SPAG16: variants seen among roughly 807,000 people sequenced by gnomAD.
SPAG16 encodes sperm associated antigen 16, also known as sperm-associated antigen 16 protein.
Under a neutral mutation model 80.4 loss-of-function variants are expected in SPAG16, and 86 were observed. The observed-to-expected ratio is 1.07, with a 90% CI of 0.90 to 1.28. SPAG16 has a LOEUF of 1.28. SPAG16 is among the 50% of genes most tolerant of loss of function. The probability of loss-of-function intolerance (pLI) is 0.00; values close to 1 mark genes in which losing one functional copy is unlikely to be tolerated. For missense variants in SPAG16, 870 were observed against 765.3 expected (o/e 1.14, Z -1.61); for synonymous variants, 294 against 265.9 (o/e 1.11, Z -1.03).
At chr2:213,792,172 T>C (rs2125611040) in intron 10 of SPAG16, among the ~76,000 whole-genome samples, 1 of 152,354 alleles carries the variant, frequency 6.6e-6, no homozygotes, top group South Asian at 2.1e-4. Context: ...AAGTAAGAAC[T>C]ACTTTGCAAT....
chr2:213,450,282 C>T (rs952814121), intron 9 of SPAG16, among the ~76,000 whole-genome samples: 14 of 151,920 alleles, frequency 9.2e-5, no homozygotes, highest in East Asian at 3.8e-4. Context: ...CCAGCCTGGG[C>T]GACAGAGCCA....
intron 15 of SPAG16, among the ~76,000 whole-genome samples, chr2:214,396,010 T>C (rs1363948615): frequency 6.6e-6 from 1 of 152,210 alleles, no homozygotes; most frequent in Non-Finnish European, 1.5e-5. Context: ...TGTGTCTTTA[T>C]GGTAGAGTGA....
intron 15 of SPAG16, among the ~76,000 whole-genome samples, chr2:214,180,962 TAA>T (rs1005683706): frequency 4.0e-5 from 6 of 151,756 alleles, no homozygotes; most frequent in African/African-American, 1.2e-4. Flanking sequence ...GTCTCTCAGT[TAA>T]AGTTGCCCCC....
intron 10 of SPAG16, among the ~76,000 whole-genome samples, chr2:213,586,325 T>C (rs113568470): frequency 5.8e-4 from 89 of 152,324 alleles, no homozygotes; most frequent in Middle Eastern, 3.4e-3. Flanking sequence ...ACATTCCATG[T>C]CTAGTGAGGC....
intron 15 of SPAG16, among the ~76,000 whole-genome samples, chr2:214,194,189 T>C (rs1380298831): frequency 6.6e-6 from 1 of 152,052 alleles, no homozygotes. Flanking sequence ...TTTCTAGCAA[T>C]ACATGAAATG....
chr2:214,204,730 A>T (rs541799934), intron 15 of SPAG16, among the ~76,000 whole-genome samples: 20 of 152,180 alleles, frequency 1.3e-4, no homozygotes, highest in Non-Finnish European at 2.6e-4. Flanking sequence ...AATGAGAATG[A>T]ACCAGAAAAA....
intron 12 of SPAG16, among the ~76,000 whole-genome samples, chr2:213,947,326 C>T (rs1194791171): frequency 1.3e-5 from 2 of 152,110 alleles, no homozygotes; most frequent in African/African-American, 2.4e-5. Flanking sequence ...AATGAGAAAT[C>T]CAGTTTCTCT....
chr2:213,965,854 T>C (rs1559637710), intron 12 of SPAG16, among the ~76,000 whole-genome samples: 1 of 152,180 alleles, frequency 6.6e-6, no homozygotes, highest in Non-Finnish European at 1.5e-5. Context: ...CTTCCACTTA[T>C]CTTGGAATAA....
At chr2:213,910,473 G>C (rs568697387) in intron 11 of SPAG16, among the ~76,000 whole-genome samples, 2 of 151,650 alleles carry the variant, frequency 1.3e-5, no homozygotes, top group East Asian at 3.9e-4. Flanking sequence ...TTAAAAATTT[G>C]CTTTTGTAAG....
At chr2:213,626,742 A>G (rs2061976177) in intron 10 of SPAG16, among the ~76,000 whole-genome samples, 1 of 142,178 alleles carries the variant, frequency 7.0e-6, no homozygotes, top group African/African-American at 2.6e-5. Context: ...CCGCCTCCTG[A>G]GTTCAAGCAA....
At chr2:213,644,315 C>G (rs1427044794) in intron 10 of SPAG16, among the ~76,000 whole-genome samples, 1 of 151,938 alleles carries the variant, frequency 6.6e-6, no homozygotes, top group Non-Finnish European at 1.5e-5. Context: ...TCTGAAATGT[C>G]ACATTTCTCT....
intron 10 of SPAG16, among the ~76,000 whole-genome samples, chr2:213,856,913 T>C (rs924301665): frequency 6.6e-6 from 1 of 152,174 alleles, no homozygotes; most frequent in African/African-American, 2.4e-5. Flanking sequence ...ATAGCTAAGA[T>C]AATGAATGAA....
chr2:214,184,666 T>C (rs1377242688), intron 15 of SPAG16, among the ~76,000 whole-genome samples: 1 of 152,062 alleles, frequency 6.6e-6, no homozygotes, highest in Non-Finnish European at 1.5e-5. Context: ...GCCTGATAGC[T>C]CGCAGACATC....
intron 15 of SPAG16, among the ~76,000 whole-genome samples, chr2:214,365,497 T>A (rs1197176124): frequency 6.6e-6 from 1 of 152,136 alleles, no homozygotes; most frequent in African/African-American, 2.4e-5. Flanking sequence ...ACATCAGAAA[T>A]GTAACCCTAT....
chr2:213,931,831 C>A (rs1178538065), intron 12 of SPAG16, among the ~76,000 whole-genome samples: 2 of 152,030 alleles, frequency 1.3e-5, no homozygotes, highest in Non-Finnish European at 2.9e-5. Flanking sequence ...TCACTTTCAT[C>A]ATCAAGGACA....
chr2:213,889,720 T>TATATATATACATATATATACGC (rs1559555878), intron 11 of SPAG16, among the ~76,000 whole-genome samples: 2 of 86,102 alleles, frequency 2.3e-5, no homozygotes, highest in African/African-American at 6.4e-5. Context: ...TACATATGCA[T>TATATATATACATATATATACGC]ATATATATAC....
At chr2:214,076,879 A>G (rs553975199) in intron 13 of SPAG16, among the ~76,000 whole-genome samples, 41 of 152,210 alleles carry the variant, frequency 2.7e-4, no homozygotes, top group Non-Finnish European at 5.3e-4. Flanking sequence ...ATCAACTTGT[A>G]CCCTGATCAA....
intron 10 of SPAG16, among the ~76,000 whole-genome samples, chr2:213,770,337 C>A (rs964168994): frequency 6.6e-6 from 1 of 151,788 alleles, no homozygotes; most frequent in Non-Finnish European, 1.5e-5. Flanking sequence ...GCATGTTTAA[C>A]GTTTTAAGAA....
chr2:213,496,063 A>G (rs937874331), intron 10 of SPAG16, among the ~76,000 whole-genome samples: 9 of 152,192 alleles, frequency 5.9e-5, no homozygotes, highest in Non-Finnish European at 7.3e-5. Context: ...ACATACATAA[A>G]AACAAGGTGT....
Sources: allele counts gnomAD v4.1 joint callset (sites outside exome capture counted in the v4.1 genomes callset), GRCh38; gene constraint gnomAD v4.1.1; transcripts MANE v1.5; gene names NCBI Gene and HGNC (gene_info 2026-07-23, HGNC 2026-07-21).